The following COL4A4 variants were observed in gnomAD, a reference collection of about 807,000 sequenced individuals.
The protein encoded by COL4A4 is collagen type IV alpha 4 chain, also known as collagen alpha-4(IV) chain.
Under a neutral mutation model 192.9 loss-of-function variants are expected in COL4A4, and 105 were observed. That is an observed-to-expected ratio of 0.54 (90% CI 0.46 to 0.64). COL4A4 has a LOEUF of 0.64. Ranked by LOEUF, COL4A4 falls within the 30% of genes least tolerant of loss-of-function variation. The pLI is 0.00. For synonymous variants in COL4A4, 762 were observed against 769.9 expected, an observed-to-expected ratio of 0.99 and a Z score of 0.17; for missense variants, 1,967 against 2,169.3, an observed-to-expected ratio of 0.91 and a Z score of 1.85.
intron 40 of COL4A4, 82 bp from the exon 41 acceptor site, chr2:227,030,680 AAC>A: frequency 8.9e-7 from 1 of 1,127,660 alleles, no homozygotes. Context: ...TCCGAAGAAA[AAC>A]AATTCAATGA....
rs1417470871 is a variant in COL4A4 at position 227,005,663 on chromosome 2, A to G, written c.*1662T>C. The stretch of plus-strand genomic sequence containing the variant: ...AACTCATTTGAAATGTGTTCTGCAT[A>G]TAAGAGCTCATTACAAATCAAGGTT... On this transcript the variant is annotated 3_prime_UTR_variant, in exon 48 of 48. Coordinates refer to ENST00000396625, the MANE Select transcript of COL4A4 (RefSeq NM_000092.5). The G allele has an allele frequency of 1.8e-4, 28 of 152,274 alleles. No individual in the cohort carries two copies. Among genetic ancestry groups the G allele is most frequent in the Admixed American group, 1.8e-3 (28 of 15,288 alleles). 9.4% of individuals were successfully genotyped at this position (152,274 alleles called of 1,614,324 possible). A position where few individuals can be genotyped will look rare whatever the true frequency, so the allele number is the denominator to read the frequency against.
At chr2:227,051,584 T>C (rs531201633) in intron 32 of COL4A4, among the ~76,000 whole-genome samples, 4 of 152,288 alleles carry the variant, frequency 2.6e-5, no homozygotes, top group South Asian at 2.1e-4. Context: ...AGCATGGGCA[T>C]TGGGGTGTCT....
At chr2:227,084,817 C>T (rs992763833) in intron 22 of COL4A4, among the ~76,000 whole-genome samples, 7 of 152,050 alleles carry the variant, frequency 4.6e-5, no homozygotes, top group Non-Finnish European at 5.9e-5. Context: ...ACTCTAACAA[C>T]GGAAGCCCAG....
the COL4A4 span, chr2:226,996,832 T>A: frequency 6.6e-6 from 1 of 152,324 alleles, no homozygotes; most frequent in African/African-American, 2.4e-5. Flanking sequence ...TAATAACATA[T>A]AGTCAAGAAA....
intron 26 of COL4A4, among the ~76,000 whole-genome samples, chr2:227,061,877 AACTT>A (rs1228847387): frequency 6.6e-6 from 1 of 152,200 alleles, no homozygotes; most frequent in Non-Finnish European, 1.5e-5. Flanking sequence ...TGGAAAGTAA[AACTT>A]ACAATCAATA....
intron 4 of COL4A4, 25 bp downstream of exon 4, chr2:227,140,136 C>A: frequency 6.3e-7 from 1 of 1,591,784 alleles, no homozygotes; most frequent in South Asian, 1.1e-5. Context: ...GGAATGCTGC[C>A]CATGTTGGTC....
chr2:227,075,678 A>G (rs556254529), intron 25 of COL4A4, among the ~76,000 whole-genome samples: 33 of 152,292 alleles, frequency 2.2e-4, no homozygotes, highest in African/African-American at 7.9e-4. Context: ...GCATTCAAAC[A>G]GGAAGAGAGG....
intron 20 of COL4A4, among the ~76,000 whole-genome samples, chr2:227,091,504 T>C (rs942726695): frequency 3.3e-5 from 5 of 149,808 alleles, no homozygotes; most frequent in Non-Finnish European, 7.4e-5. Flanking sequence ...GGGGAAAAAA[T>C]GGAGGAGACA....
At chr2:227,066,949 A>C (rs1224253970) in intron 25 of COL4A4, among the ~76,000 whole-genome samples, 2 of 148,752 alleles carry the variant, frequency 1.3e-5, no homozygotes, top group Non-Finnish European at 3.0e-5. Flanking sequence ...AAGACCCATC[A>C]GTGTGCTGTA....
At chr2:227,000,167 C>T (rs954808791), downstream of COL4A4, among the ~76,000 whole-genome samples, 2 of 152,114 alleles carry the variant, frequency 1.3e-5, no homozygotes, top group African/African-American at 4.8e-5. Flanking sequence ...TTCAGACTCT[C>T]GTTATAGAGG....
At chr2:227,155,041 A>G (rs2064227120) in intron 1 of COL4A4, among the ~76,000 whole-genome samples, 1 of 152,218 alleles carries the variant, frequency 6.6e-6, no homozygotes, top group Admixed American at 6.5e-5. Context: ...TATGTGGTCC[A>G]TGGACCACCG....
At chr2:227,041,832 GAAAGAAAGAAAGAAAGAGAAAGAAAGAA>G (rs1971213855) in intron 37 of COL4A4, among the ~76,000 whole-genome samples, 1 of 47,352 alleles carries the variant, frequency 2.1e-5, no homozygotes, top group Non-Finnish European at 3.8e-5. Context: ...AAGAAAGAAA[GAAAGAAAGAAAGAAAGAGAAAGAAAGAA>G]AGAAAGAAAG....
In COL4A4 at chr2:227,074,690, G is replaced by A. The variant is rs115580792; in HGVS notation, c.1987+3204C>T. ...CTAATGAGTGGATAAAGAAAATGTGGTATACAAAAAACATGGAATACTACT... is the reference window on the plus strand; with the variant it reads ...CTAATGAGTGGATAAAGAAAATGTGATATACAAAAAACATGGAATACTACT... On this transcript the variant is annotated intron_variant, in intron 25 of 47. Coordinates refer to ENST00000396625, the MANE Select transcript of COL4A4 (RefSeq NM_000092.5). Among the ~76,000 whole-genome samples, 636 of 152,144 alleles carry A rather than the reference G, an allele frequency of 4.2e-3. 5 individuals carry two copies. Among genetic ancestry groups the A allele is most frequent in the African/African-American group, 0.015 (607 of 41,538 alleles).
chr2:227,106,415 A>C (rs2060845927), intron 12 of COL4A4, among the ~76,000 whole-genome samples: 1 of 152,242 alleles, frequency 6.6e-6, no homozygotes, highest in African/African-American at 2.4e-5. Context: ...AGTACAAAGA[A>C]GGAAAACTAT....
At chr2:227,098,172 C>T (rs1290915601) in intron 19 of COL4A4, among the ~76,000 whole-genome samples, 1 of 152,104 alleles carries the variant, frequency 6.6e-6, no homozygotes, top group Non-Finnish European at 1.5e-5. Context: ...ATAATTTTTA[C>T]TTCCACCTTT....
intron 32 of COL4A4, 147 bp from the exon 33 acceptor site, chr2:227,051,305 C>G (rs1438666139): frequency 4.8e-6 from 4 of 827,630 alleles, no homozygotes; most frequent in Non-Finnish European, 8.1e-6. Context: ...CTGATCATTT[C>G]TGGCTTCAGT....
chr2:226,989,609 C>CT, the COL4A4 span, among the ~76,000 whole-genome samples: 1 of 152,124 alleles, frequency 6.6e-6, no homozygotes, highest in East Asian at 1.9e-4. Flanking sequence ...ACTTTTCTTT[C>CT]TTTTTTTGGG....
chr2:227,062,476 T>C (rs1977366522), intron 26 of COL4A4, 54 bp downstream of exon 26: 1 of 1,076,960 alleles, frequency 9.3e-7, no homozygotes, highest in East Asian at 2.5e-5. Flanking sequence ...CTGGCTGGTT[T>C]TTTTTTTTTT....
chr2:227,030,212 GC>G (rs1967981261), intron 41 of COL4A4, among the ~76,000 whole-genome samples: 1 of 151,924 alleles, frequency 6.6e-6, no homozygotes, highest in Admixed American at 6.6e-5. Flanking sequence ...TTCAATTCTG[GC>G]CTGGAAGATT....
Sources: allele counts gnomAD v4.1 joint callset (sites outside exome capture counted in the v4.1 genomes callset), GRCh38; gene constraint gnomAD v4.1.1; transcripts MANE v1.5; gene names NCBI Gene and HGNC (gene_info 2026-07-23, HGNC 2026-07-21).